Variants in SNX31 observed in about 807,000 individuals in gnomAD.
SNX31 encodes sorting nexin-31.
SNX31 carries 58 observed loss-of-function variants against 65.4 expected under a neutral mutation model. The ratio of observed to expected loss-of-function variants is 0.89; its 90% CI spans 0.72 to 1.10. The LOEUF (loss-of-function observed/expected upper bound fraction) is 1.10, where lower values mean the gene tolerates loss of function less well. Among genes scored for constraint, SNX31 ranks in the 50% least tolerant of loss-of-function variants. The probability of loss-of-function intolerance (pLI) is 0.00; values close to 1 mark genes in which losing one functional copy is unlikely to be tolerated. For missense variants in SNX31, 523 were observed against 529.7 expected, an observed-to-expected ratio of 0.99 and a Z score of 0.12; for synonymous variants, 181 against 190.1, an observed-to-expected ratio of 0.95 and a Z score of 0.39.
At position 100,596,707 on chromosome 8, in the gene SNX31, G is replaced by T; in HGVS notation, c.910C>A (p.Pro304Thr). 1 of 1,614,154 alleles carries T rather than the reference G, an allele frequency of 6.2e-7. No individual in the cohort carries two copies. Among genetic ancestry groups the T allele is most frequent in the Non-Finnish European group, 8.5e-7 (1 of 1,180,026 alleles). ...NNEISCCITL[P>T]DSQTQDIVFQ... ...ACGATGTCCTGGGTCTGGCTGTCAG[G>T]CAGGGTGATGCAGCAGCTGATCTCA... The change falls in exon 10 of 14, where the codon CCT becomes ACT. Residue 304 changes from proline to threonine, a missense_variant. By Grantham distance (38) the Pro-to-Thr change is conservative. Transcript: ENST00000311812.
At position 100,612,922 on chromosome 8, in the gene SNX31, T is replaced by C. The variant is rs1816841801; in HGVS notation, c.523+73A>G. On this transcript the variant is annotated intron_variant, in intron 6 of 13. Transcript: ENST00000311812. The surrounding 1 kb of genome is among the most constrained non-coding windows in gnomAD (Gnocchi z 4.3). The stretch of plus-strand genomic sequence containing the variant: ...CAGTGGGTGGCCAGCCCCTCAGCTG[T>C]GACTCCTATGAGCCCCTGCTCACAC... 1 of 1,308,048 alleles carries C rather than the reference T, an allele frequency of 7.6e-7. No individual in the cohort carries two copies. The highest frequency in any genetic ancestry group is 1.5e-5 in the African/African-American group (1 of 68,616). The allele number at this position is 1,308,048 out of a possible 1,614,324, so 81.0% of individuals were successfully genotyped here.
At chr8:100,656,890 G>A (rs1054999235) in intron 1 of SNX31, among the ~76,000 whole-genome samples, 1 of 151,988 alleles carries the variant, frequency 6.6e-6, no homozygotes, top group African/African-American at 2.4e-5. Flanking sequence ...GGTTGCTGCC[G>A]ACAATGATTC....
At chr8:100,654,884 A>G (rs1820032025) in intron 1 of SNX31, among the ~76,000 whole-genome samples, 2 of 152,104 alleles carry the variant, frequency 1.3e-5, no homozygotes, top group South Asian at 4.1e-4. Flanking sequence ...GTGGTAGTAC[A>G]CACCTGTAAT....
intron 11 of SNX31, among the ~76,000 whole-genome samples, chr8:100,586,715 C>T (rs1814083363): frequency 6.6e-6 from 1 of 152,176 alleles, no homozygotes; most frequent in Non-Finnish European, 1.5e-5. Context: ...TTCATGTTTT[C>T]AGAGGACTTT....
intron 2 of SNX31, among the ~76,000 whole-genome samples, chr8:100,638,511 C>T (rs1423283057): frequency 6.6e-6 from 1 of 152,154 alleles, no homozygotes; most frequent in African/African-American, 2.4e-5. Context: ...TGCCCGTGGG[C>T]AAAACACACT....
intron 11 of SNX31, among the ~76,000 whole-genome samples, chr8:100,585,623 G>T (rs979151690): frequency 3.9e-5 from 6 of 152,180 alleles, no homozygotes; most frequent in Non-Finnish European, 5.9e-5. Flanking sequence ...AGAATTAACA[G>T]ATGGGGCATT....
At chr8:100,649,753 G>A, upstream of SNX31, 2 of 437,418 alleles carry the variant, frequency 4.6e-6, no homozygotes, top group Non-Finnish European at 8.1e-6. Context: ...GGTGGCGCCT[G>A]GGGCTGGGGC....
intron 10 of SNX31, among the ~76,000 whole-genome samples, chr8:100,596,120 C>A (rs1815066822): frequency 6.6e-6 from 1 of 152,144 alleles, no homozygotes; most frequent in Non-Finnish European, 1.5e-5. Flanking sequence ...GAGGATAACA[C>A]CACTTAGCTC....
At position 100,594,994 on chromosome 8, in the gene SNX31, C is replaced by A. The variant is rs1814933718; in HGVS notation, c.978+1645G>T. Among the ~76,000 whole-genome samples the A allele has an allele frequency of 6.6e-6, 1 of 152,230 alleles. No homozygotes were observed. ...AGAGACAAACTACTGATATAGTCAG[C>A]AACCTGAATGAACTTCCAACAAATT... On this transcript the variant is annotated intron_variant, in intron 10 of 13. Transcript: ENST00000311812. This position sits in a 1 kb window ranked among gnomAD's most constrained non-coding sequence, Gnocchi z 4.0.
chr8:100,603,497 G>A (rs947773018), intron 8 of SNX31, among the ~76,000 whole-genome samples: 1 of 150,762 alleles, frequency 6.6e-6, no homozygotes, highest in Non-Finnish European at 1.5e-5. Context: ...GTGCAATGGC[G>A]CAATCTCGGC....
In SNX31 at chr8:100,604,423, C is replaced by T. The variant is rs11987762; in HGVS notation, c.682-3982G>A. On this transcript the variant is annotated intron_variant, in intron 8 of 13. Coordinates refer to ENST00000311812, the MANE Select transcript of SNX31 (RefSeq NM_152628.4). The surrounding 1 kb of genome is among the most constrained non-coding windows in gnomAD (Gnocchi z 4.3). ...CTCTCAAAGGCCGGCACTGGCCACTCGGCTCTGGCGAAAGCATGGTGGAGA... is the reference window on the plus strand; with the variant it reads ...CTCTCAAAGGCCGGCACTGGCCACTTGGCTCTGGCGAAAGCATGGTGGAGA... 0.027 allele frequency among the ~76,000 whole-genome samples: 4,181 copies of T among 152,286 alleles called. 220 individuals carry two copies. The highest frequency in any genetic ancestry group is 0.092 in the African/African-American group (3,832 of 41,544).
At chr8:100,651,057 G>C (rs777749220), upstream of SNX31, among the ~76,000 whole-genome samples, 18 of 152,078 alleles carry the variant, frequency 1.2e-4, no homozygotes, top group Non-Finnish European at 2.2e-4. Context: ...TCTCCATGTT[G>C]GTCAGGCTGG....
chr8:100,612,175 A>T lies in SNX31; in HGVS notation c.524-88T>A. 1.3e-6 allele frequency: 1 copy of T among 767,258 alleles called. No individual in the cohort carries two copies. Among genetic ancestry groups the T allele is most frequent in the Non-Finnish European group, 2.2e-6 (1 of 455,018 alleles). The allele number at this position is 767,258 out of a possible 1,614,324, so 47.5% of individuals were successfully genotyped here. ...CTTTCAAATGAGAAAATAAAACCTTATTATTGGAAATAATAAAATCACAGT... is the reference window on the plus strand; with the variant it reads ...CTTTCAAATGAGAAAATAAAACCTTTTTATTGGAAATAATAAAATCACAGT... On this transcript the variant is annotated intron_variant, in intron 6 of 13. Transcript: ENST00000311812. This position sits in a 1 kb window ranked among gnomAD's most constrained non-coding sequence, Gnocchi z 4.3.
chr8:100,658,697 C>G (rs1221600212), intron 1 of SNX31, among the ~76,000 whole-genome samples: 2 of 152,186 alleles, frequency 1.3e-5, no homozygotes, highest in Non-Finnish European at 2.9e-5. Context: ...AACTCGAGTG[C>G]CCAGGCTCTG....
rs1156459475 is a variant in SNX31, at chr8:100,625,853, ACACTCCATCT to A, written c.321+4464_321+4473del. On this transcript the variant is annotated intron_variant, in intron 4 of 13. Transcript: ENST00000311812. The surrounding 1 kb of genome is among the most constrained non-coding windows in gnomAD (Gnocchi z 4.2). ...CAGGGGATGCTGAAGAGATGTACAG[ACACTCCATCT>A]TTGCAAAAAGCAATCTCTCAGCATG... 1.3e-5 allele frequency among the ~76,000 whole-genome samples: 2 copies of A among 152,214 alleles called. No homozygotes were observed. Among genetic ancestry groups the A allele is most frequent in the African/African-American group, 2.4e-5 (1 of 41,452 alleles).
Position 100,588,243 on chromosome 8 carries a change from G to T in SNX31, c.1092+623C>A, listed in dbSNP as rs1201605536. ...ATGAATGTATATGCAAATATTTCAA[G>T]ATTTAAAAAAATCTGCAATTGGAAA... On this transcript the variant is annotated intron_variant, in intron 11 of 13. Coordinates refer to ENST00000311812, the MANE Select transcript of SNX31 (RefSeq NM_152628.4). This position sits in a 1 kb window ranked among gnomAD's most constrained non-coding sequence, Gnocchi z 4.8. 6.6e-6 allele frequency among the ~76,000 whole-genome samples: 1 copy of T among 152,088 alleles called. No homozygotes were observed. The highest frequency in any genetic ancestry group is 1.5e-5 in the Non-Finnish European group (1 of 68,010).
At chr8:100,650,856 T>G (rs989699361), upstream of SNX31, among the ~76,000 whole-genome samples, 5 of 148,860 alleles carry the variant, frequency 3.4e-5, no homozygotes, top group African/African-American at 1.2e-4. Context: ...TTTTGTTTTT[T>G]TTTTTTTTGT....
intron 7 of SNX31, among the ~76,000 whole-genome samples, chr8:100,611,779 C>A (rs1165374440): frequency 6.6e-6 from 1 of 152,170 alleles, no homozygotes; most frequent in Non-Finnish European, 1.5e-5. Context: ...TGATCTTGAA[C>A]TCCTGGGCTC....
In SNX31 at chr8:100,579,375, A is replaced by G. The variant is rs540878683; in HGVS notation, c.1171-2300T>C. Among the ~76,000 whole-genome samples, 41 of 152,356 alleles carry G rather than the reference A, an allele frequency of 2.7e-4. No homozygotes were observed. In the South Asian group the frequency reaches 5.8e-3, roughly 22 times the overall value. Reference sequence around the variant, plus strand: ...ACAAGCAAATCTTTTTTCATAATGCAGTATTCCTATACTTCCTTTTTCATC... The same window carrying G: ...ACAAGCAAATCTTTTTTCATAATGCGGTATTCCTATACTTCCTTTTTCATC... On this transcript the variant is annotated intron_variant, in intron 12 of 13. Coordinates refer to ENST00000311812, the MANE Select transcript of SNX31 (RefSeq NM_152628.4).
Sources: gnomAD v4.1 joint callset for allele counts (sites outside exome capture counted in the v4.1 genomes callset) on GRCh38, gnomAD v4.1.1 for gene constraint, Gnocchi (gnomAD v3.1) non-coding constraint, MANE v1.5 for transcripts, NCBI Gene and HGNC (gene_info 2026-07-23, HGNC 2026-07-21) for gene names.